Variants in KLHL38 observed in about 807,000 individuals in gnomAD.
KLHL38 encodes kelch-like protein 38.
In KLHL38, 38 loss-of-function variants were observed where a neutral mutation model predicts 39.6. The ratio of observed to expected loss-of-function variants is 0.96; its 90% confidence interval spans 0.74 to 1.26. The LOEUF (loss-of-function observed/expected upper bound fraction) is 1.26, where lower values mean the gene tolerates loss of function less well. Among genes scored for constraint, KLHL38 ranks in the 50% most tolerant of loss-of-function variants. KLHL38 has a pLI of 0.00. For synonymous variants in KLHL38, 322 were observed against 302.2 expected, an observed-to-expected ratio of 1.07 and a Z score of -0.68; for missense variants, 803 against 748.1, an observed-to-expected ratio of 1.07 and a Z score of -0.86.
chr8:123,650,321 T>TA (rs1046295273), intron 2 of KLHL38, among the ~76,000 whole-genome samples: 10 of 151,956 alleles, frequency 6.6e-5, no homozygotes, highest in Non-Finnish European at 1.3e-4. Context: ...AAAAAATCGC[T>TA]AAAAAAAATC....
rs1818636925 is a variant in KLHL38 at position 123,645,192 on chromosome 8, A to C, written c.*547T>G. ...GGTGGCTCACGCCTGTAATCTCAGC[A>C]TTTGGGAGGCTGAGGCCGGTGGATC... is the stretch of plus-strand genomic sequence containing the variant. On this transcript the variant is annotated 3_prime_UTR_variant, in exon 4 of 4. Transcript: ENST00000684634. 6.6e-6 allele frequency among the ~76,000 whole-genome samples: 1 copy of C among 152,046 alleles called. No individual in the cohort carries two copies. Among genetic ancestry groups the C allele is most frequent in the Non-Finnish European group, 1.5e-5 (1 of 67,984 alleles).
rs776151052 is a variant in KLHL38 at position 123,652,735 on chromosome 8, G to A, written c.192C>T (p.Cys64=). 2.5e-6 allele frequency: 4 copies of A among 1,614,208 alleles called. 1 individual carries two copies. In the Admixed American group the frequency reaches 5.0e-5, roughly 20 times the overall value. ...SSSPYFRAMF[C]SSFREKSEAK... ...CTTCACTCTTCTCCCGGAAGCTGCT[G>A]CAGAACATAGCCCTGAAGTAGGGGC... The change falls in exon 2 of 4, where the codon TGC becomes TGT. Residue 64 remains cysteine, a synonymous_variant. Coordinates refer to ENST00000684634, the MANE Select transcript of KLHL38 (RefSeq NM_001081675.3).
Position 123,652,018 on chromosome 8 carries a change from T to C in KLHL38, c.909A>G (p.Leu303=). 6.2e-7 allele frequency: 1 copy of C among 1,614,222 alleles called. No homozygotes were observed. Among genetic ancestry groups the C allele is most frequent in the Non-Finnish European group, 8.5e-7 (1 of 1,180,042 alleles). ...ATTGGCCGGTCTGTTTGCTGTACAGTAGGACGTCCCTGGTGGTCTGCTGGC... is the reference window on the plus strand; with the variant it reads ...ATTGGCCGGTCTGTTTGCTGTACAGCAGGACGTCCCTGGTGGTCTGCTGGC... The part of the protein sequence containing the change: ...KDSQQTTRDV[L]LYSKQTGQWQ... Residue 303 remains leucine (L), a synonymous_variant, in exon 2 of 4, where the codon CTA becomes CTG. Coordinates refer to ENST00000684634, the MANE Select transcript of KLHL38 (RefSeq NM_001081675.3).
chr8:123,652,413 G>T lies in KLHL38; in HGVS notation c.514C>A (p.Leu172Met), dbSNP rs964067369. Residue 172 changes from leucine to methionine, a missense_variant, in exon 2 of 4, where the codon CTG (leucine) becomes ATG (methionine). Transcript: ENST00000684634. ...SFPEVAASAD[L>M]KELCALELRD... is the part of the protein sequence containing the mutation. ...AACTCCAAGGCACAGAGCTCCTTCA[G>T]GTCGGCCGATGCGGCCACCTCTGGG... The T allele has an allele frequency of 6.2e-6, 10 of 1,614,140 alleles. No homozygotes were observed. Among genetic ancestry groups the T allele is most frequent in the Non-Finnish European group, 8.5e-6 (10 of 1,180,048 alleles).
chr8:123,653,632 C>T lies in KLHL38; in HGVS notation c.-48G>A, dbSNP rs1812696821. Among the ~76,000 whole-genome samples the T allele has an allele frequency of 6.6e-6, 1 of 152,118 alleles. No individual in the cohort carries two copies. On this transcript the variant is annotated 5_prime_UTR_variant, in exon 1 of 4. Transcript: ENST00000684634. ...CCACTGGTGCCTGGTCTGACTTATC[C>T]CCCCGGAGAGTTTCTACCTCTAGCT...
Position 123,645,898 on chromosome 8 carries a change from C to T in KLHL38, c.1587G>A (p.Arg529=), listed in dbSNP as rs201226069. Reference sequence around the variant, plus strand: ...CAATGTTGCAGTCCGTGGTCAGCCGCCGCCCGCCCGTCACGTAGAGTTTGT... The same window carrying T: ...CAATGTTGCAGTCCGTGGTCAGCCGTCGCCCGCCCGTCACGTAGAGTTTGT... ...MGNKLYVTGG[R]RLTTDCNIED... The change falls in exon 4 of 4, where the codon CGG becomes CGA. Residue 529 remains arginine (R), a synonymous_variant. Transcript: ENST00000684634. The T allele has an allele frequency of 2.5e-6, 4 of 1,614,130 alleles. No homozygotes were observed. Among genetic ancestry groups the T allele is most frequent in the African/African-American group, 1.3e-5 (1 of 75,022 alleles).
In KLHL38 at chr8:123,651,689, C is replaced by T; in HGVS notation, c.1238G>A (p.Ser413Asn). Residue 413 changes from serine (S) to asparagine (N), a missense_variant, in exon 2 of 4, where the codon AGT becomes AAT. Coordinates refer to ENST00000684634, the MANE Select transcript of KLHL38 (RefSeq NM_001081675.3). ...CACCCCCACGGGCATGCTGGCCATACTCTCCCAGACATTGCAGATGCTGTC... is the reference window on the plus strand; with the variant it reads ...CACCCCCACGGGCATGCTGGCCATATTCTCCCAGACATTGCAGATGCTGTC... ...RYDSICNVWE[S>N]MASMPVGVLH... 6.2e-7 allele frequency: 1 copy of T among 1,614,208 alleles called. No individual in the cohort carries two copies. The highest frequency in any genetic ancestry group is 2.2e-5 in the East Asian group (1 of 44,886).
chr8:123,649,046 A>G (rs1812585314), intron 2 of KLHL38, among the ~76,000 whole-genome samples: 1 of 152,246 alleles, frequency 6.6e-6, no homozygotes, highest in Non-Finnish European at 1.5e-5. Flanking sequence ...AGGATCCCTC[A>G]GAGGTTTAAT....
At chr8:123,653,092 G>T in intron 1 of KLHL38, 165 bp from the exon 2 acceptor site, 1 of 716,770 alleles carries the variant, frequency 1.4e-6, no homozygotes, top group South Asian at 2.2e-5. Flanking sequence ...AGATTGGAAA[G>T]GAAGGCCACA....
Position 123,645,955 on chromosome 8 carries a change from C to T in KLHL38, c.1530G>A (p.Arg510=). ...KFVKCADMKD[R]RMHHGATVMG... is the part of the protein sequence containing the mutation. ...TCACTGTGGCCCCATGGTGCATCCT[C>T]CGGTCTTTCATGTCCGCACATTTGA... The change falls in exon 4 of 4, where the codon CGG becomes CGA. Residue 510 remains arginine, a synonymous_variant. Transcript: ENST00000684634. The T allele has an allele frequency of 6.2e-7, 1 of 1,614,126 alleles. No homozygotes were observed. The highest frequency in any genetic ancestry group is 1.3e-5 in the African/African-American group (1 of 75,022).
At position 123,646,992 on chromosome 8, in the gene KLHL38, G is replaced by A. The variant is rs1370051770; in HGVS notation, c.1373C>T (p.Ser458Leu). The change falls in exon 3 of 4, where the codon TCG becomes TTG. Residue 458 changes from serine to leucine, a missense_variant. Transcript: ENST00000684634. ...LIQVYHISRN[S>L]WFKMETRMIK... ...CATTCTTGTCTCCATTTTGAACCAC[G>A]AGTTTCTGGAAATGTGATAAACCTG... 2.5e-6 allele frequency: 4 copies of A among 1,610,612 alleles called. No individual in the cohort carries two copies. Among genetic ancestry groups the A allele is most frequent in the Middle Eastern group, 1.6e-4 (1 of 6,078 alleles).
Position 123,652,221 on chromosome 8 carries a change from T to A in KLHL38, c.706A>T (p.Ile236Phe). ...GACTGCAGGAGGGCATCGTTGGCGA[T>A]GAAGTGGTGAAAGAAGGCTGGGTGG... ...YIHPAFFHHF[I>F]ANDALLQSSP... The change falls in exon 2 of 4, where the codon ATC (isoleucine) becomes TTC (phenylalanine). Residue 236 changes from isoleucine (I) to phenylalanine (F), a missense_variant. Physicochemically the swap from Ile to Phe is conservative, Grantham distance 21. Coordinates refer to ENST00000684634, the MANE Select transcript of KLHL38 (RefSeq NM_001081675.3). The A allele has an allele frequency of 6.2e-7, 1 of 1,614,212 alleles. No homozygotes were observed.
At position 123,645,612 on chromosome 8, in the gene KLHL38, C is replaced by G; in HGVS notation, c.*127G>C. The G allele has an allele frequency of 2.0e-6, 2 of 1,020,188 alleles. No individual in the cohort carries two copies. Among genetic ancestry groups the G allele is most frequent in the Admixed American group, 2.3e-5 (1 of 42,704 alleles). The allele number at this position is 1,020,188 out of a possible 1,614,324, so 63.2% of individuals were successfully genotyped here. A position where few individuals can be genotyped will look rare whatever the true frequency, so the allele number is the denominator to read the frequency against. On this transcript the variant is annotated 3_prime_UTR_variant, in exon 4 of 4. Coordinates refer to ENST00000684634, the MANE Select transcript of KLHL38 (RefSeq NM_001081675.3). Reference sequence around the variant, plus strand: ...CAATGCAATGCCTAGTTCCAGGCCTCCCGACTCTGGTACCTCAGTCTTGTG... The same window carrying G: ...CAATGCAATGCCTAGTTCCAGGCCTGCCGACTCTGGTACCTCAGTCTTGTG...
At chr8:123,650,940 A>G (rs914356650) in intron 2 of KLHL38, among the ~76,000 whole-genome samples, 14 of 152,316 alleles carry the variant, frequency 9.2e-5, no homozygotes, top group Middle Eastern at 3.4e-3. Context: ...CACCTGCCAA[A>G]TTCCTATGGG....
chr8:123,652,528 G>T lies in KLHL38; in HGVS notation c.399C>A (p.Pro133=). ...GTCTGATCATACCCAGGCAGTTGCT[G>T]GGGGCCAACTGGCTCTGCAAGTACG... The part of the protein sequence containing the change: ...CSSYLQSQLA[P]SNCLGMIRLS... The change falls in exon 2 of 4, where the codon CCC becomes CCA. Residue 133 remains proline, a synonymous_variant. Transcript: ENST00000684634. The T allele has an allele frequency of 2.5e-6, 4 of 1,614,184 alleles. No individual in the cohort carries two copies. In the South Asian group the frequency reaches 4.4e-5, roughly 18 times the overall value.
At chr8:123,646,250 A>G (rs1818664275) in intron 3 of KLHL38, among the ~76,000 whole-genome samples, 1 of 152,248 alleles carries the variant, frequency 6.6e-6, no homozygotes, top group Non-Finnish European at 1.5e-5. Context: ...AAGTTAAGGC[A>G]GCATATAAGC....
chr8:123,645,882 A>G lies in KLHL38; in HGVS notation c.1603T>C (p.Cys535Arg). 6.2e-7 allele frequency: 1 copy of G among 1,614,062 alleles called. No homozygotes were observed. The highest frequency in any genetic ancestry group is 8.5e-7 in the Non-Finnish European group (1 of 1,180,002). Residue 535 changes from cysteine (C) to arginine (R), a missense_variant, in exon 4 of 4, where the codon TGC becomes CGC. Cys to Arg is a radical substitution (Grantham distance 180). Coordinates refer to ENST00000684634, the MANE Select transcript of KLHL38 (RefSeq NM_001081675.3). Reference protein sequence around the residue: ...VTGGRRLTTDCNIEDSASFDC... With the variant: ...VTGGRRLTTDRNIEDSASFDC... ...AAGGAGGCGGAGTCCTCAATGTTGC[A>G]GTCCGTGGTCAGCCGCCGCCCGCCC...
intron 2 of KLHL38, among the ~76,000 whole-genome samples, chr8:123,650,086 A>G (rs1029481847): frequency 4.6e-5 from 1 of 21,878 alleles, no homozygotes. Flanking sequence ...CTCCTCTTTT[A>G]TTCTCCATCC....
At position 123,652,778 on chromosome 8, in the gene KLHL38, T is replaced by C; in HGVS notation, c.149A>G (p.Asn50Ser). 2 of 1,614,168 alleles carry C rather than the reference T, an allele frequency of 1.2e-6. No homozygotes were observed. Among genetic ancestry groups the C allele is most frequent in the South Asian group, 1.1e-5 (1 of 91,086 alleles). Residue 50 changes from asparagine to serine, a missense_variant, in exon 2 of 4, where the codon AAC (asparagine) becomes AGC (serine). Coordinates refer to ENST00000684634, the MANE Select transcript of KLHL38 (RefSeq NM_001081675.3). ...AGAREIPCHR[N>S]VLASSSPYFR... Reference sequence around the variant, plus strand: ...GTAGGGGCTGCTGGAGGCCAGCACGTTGCGGTGGCAGGGGATCTCCCGGGC... The same window carrying C: ...GTAGGGGCTGCTGGAGGCCAGCACGCTGCGGTGGCAGGGGATCTCCCGGGC...
Sources: gnomAD v4.1 joint callset for allele counts (sites outside exome capture counted in the v4.1 genomes callset) on GRCh38, gnomAD v4.1.1 for gene constraint, MANE v1.5 for transcripts, NCBI Gene and HGNC (gene_info 2026-07-23, HGNC 2026-07-21) for gene names.